The following C8orf76 variants were observed in gnomAD, a reference collection of about 807,000 sequenced individuals.
C8orf76 encodes uncharacterized protein C8orf76.
C8orf76 carries 46 observed loss-of-function variants against 38.1 expected under a neutral mutation model. The ratio of observed to expected loss-of-function variants is 1.21; its 90% CI spans 0.95 to 1.54. The LOEUF is 1.54. Among genes scored for constraint, C8orf76 ranks in the 40% most tolerant of loss-of-function variants. The probability of loss-of-function intolerance (pLI) is 0.00; values close to 1 mark genes in which losing one functional copy is unlikely to be tolerated. For synonymous variants in C8orf76, 166 were observed against 167.5 expected (o/e 0.99, Z 0.07); for missense variants, 461 against 441.6 (o/e 1.04, Z -0.39).
chr8:123,220,408 C>T, intron 5 of C8orf76, 111 bp from the exon 6 acceptor site: 1 of 757,964 alleles, frequency 1.3e-6, no homozygotes, highest in Non-Finnish European at 2.1e-6. Context: ...CTTGAGCAGC[C>T]AGGGGACATT....
At chr8:123,235,051 C>G (rs1402478015) in intron 3 of C8orf76, among the ~76,000 whole-genome samples, 1 of 152,186 alleles carries the variant, frequency 6.6e-6, no homozygotes, top group Non-Finnish European at 1.5e-5. Flanking sequence ...TATTGTTTGT[C>G]TCCTTAGCAT....
intron 5 of C8orf76, chr8:123,226,288 C>T: frequency 7.2e-7 from 1 of 1,394,766 alleles, no homozygotes; most frequent in South Asian, 1.7e-5. Context: ...CTGACAAGTA[C>T]ATGAAACACA....
chr8:123,241,206 G>C, intron 1 of C8orf76, 24 bp downstream of exon 1: 1 of 1,570,670 alleles, frequency 6.4e-7, no homozygotes, highest in South Asian at 1.1e-5. Flanking sequence ...CCCGGGATAA[G>C]GCGAAGAGGC....
intron 1 of C8orf76, among the ~76,000 whole-genome samples, chr8:123,240,817 C>A (rs1825656651): frequency 6.6e-6 from 1 of 152,146 alleles, no homozygotes; most frequent in Non-Finnish European, 1.5e-5. Context: ...ACCATCAGCG[C>A]GGGGTTGGTA....
intron 3 of C8orf76, among the ~76,000 whole-genome samples, chr8:123,237,405 TG>T (rs995079228): frequency 1.9e-4 from 29 of 151,500 alleles, no homozygotes; most frequent in African/African-American, 2.9e-4. Flanking sequence ...TTAGTCATTT[TG>T]GGGGGGGGAC....
intron 1 of C8orf76, 99 bp from the exon 2 acceptor site, chr8:123,239,243 A>G: frequency 7.6e-7 from 1 of 1,320,662 alleles, no homozygotes; most frequent in South Asian, 1.2e-5. Flanking sequence ...AACGTCAAAA[A>G]AAGACTTCTT....
chr8:123,233,161 C>T (rs1003903797), intron 3 of C8orf76, among the ~76,000 whole-genome samples: 6 of 151,896 alleles, frequency 4.0e-5, no homozygotes, highest in Non-Finnish European at 7.4e-5. Flanking sequence ...GCTGGGATGA[C>T]GGGTGCCTGC....
chr8:123,232,179 A>G (rs1199954510), intron 3 of C8orf76, among the ~76,000 whole-genome samples: 1 of 152,224 alleles, frequency 6.6e-6, no homozygotes, highest in Non-Finnish European at 1.5e-5. Flanking sequence ...AAAAATCCAA[A>G]TGGTAATTTC....
At chr8:123,239,591 G>C (rs887034730) in intron 1 of C8orf76, 1 of 158,428 alleles carries the variant, frequency 6.3e-6, no homozygotes, top group African/African-American at 2.4e-5. Flanking sequence ...ACCTGTAGGA[G>C]AGAAGTCTGA....
intron 4 of C8orf76, among the ~76,000 whole-genome samples, chr8:123,227,171 C>T (rs917966208): frequency 1.3e-5 from 2 of 152,068 alleles, no homozygotes; most frequent in African/African-American, 2.4e-5. Context: ...AACCACTCTG[C>T]GATACCTTAC....
chr8:123,236,645 G>A (rs1344571995), intron 3 of C8orf76, among the ~76,000 whole-genome samples: 1 of 152,028 alleles, frequency 6.6e-6, no homozygotes, highest in Non-Finnish European at 1.5e-5. Flanking sequence ...TTAGCTGGGC[G>A]TGGTGGTGCA....
intron 5 of C8orf76, among the ~76,000 whole-genome samples, chr8:123,223,972 T>C (rs1372817702): frequency 2.0e-5 from 3 of 152,092 alleles, no homozygotes; most frequent in African/African-American, 7.2e-5. Flanking sequence ...TAGGGAGTTA[T>C]TGCTTAATGG....
intron 3 of C8orf76, chr8:123,237,071 C>G (rs902396656): frequency 1.7e-6 from 2 of 1,194,430 alleles, no homozygotes; most frequent in Non-Finnish European, 2.5e-6. Flanking sequence ...CATTACTGAG[C>G]CTTCCCTCCG....
chr8:123,234,270 C>T (rs1825380978), intron 3 of C8orf76, among the ~76,000 whole-genome samples: 1 of 152,090 alleles, frequency 6.6e-6, no homozygotes. Flanking sequence ...ACTTGCCTGC[C>T]ATAACGTGGC....
At chr8:123,240,941 G>A (rs559632264) in intron 1 of C8orf76, among the ~76,000 whole-genome samples, 1 of 152,340 alleles carries the variant, frequency 6.6e-6, no homozygotes, top group South Asian at 2.1e-4. Context: ...GGGAGGTACC[G>A]GAGATTGCAG....
At chr8:123,226,240 G>A (rs1277569876) in intron 5 of C8orf76, 2 of 1,326,626 alleles carry the variant, frequency 1.5e-6, no homozygotes, top group Non-Finnish European at 1.9e-6. Flanking sequence ...CAATTATTGG[G>A]CATTGATGAT....
At chr8:123,232,430 C>T (rs1825304475) in intron 3 of C8orf76, among the ~76,000 whole-genome samples, 1 of 152,226 alleles carries the variant, frequency 6.6e-6, no homozygotes. Context: ...CCTAACTTGC[C>T]ATATGGCAAA....
intron 5 of C8orf76, among the ~76,000 whole-genome samples, chr8:123,221,053 A>G (rs2131127989): frequency 2.6e-5 from 4 of 152,354 alleles, no homozygotes; most frequent in Non-Finnish European, 5.9e-5. Flanking sequence ...TGCATTAGAT[A>G]ATCTCCAAGG....
intron 5 of C8orf76, among the ~76,000 whole-genome samples, chr8:123,224,003 G>A (rs565053581): frequency 6.6e-6 from 1 of 152,012 alleles, no homozygotes; most frequent in East Asian, 1.9e-4. Flanking sequence ...TGTTTGGGGT[G>A]ATGAAAAAAT....
Sources: gnomAD v4.1 joint callset for allele counts (sites outside exome capture counted in the v4.1 genomes callset) on GRCh38, gnomAD v4.1.1 for gene constraint, MANE v1.5 for transcripts, NCBI Gene and HGNC (gene_info 2026-07-23, HGNC 2026-07-21) for gene names.